The following NAALADL2 variants were observed in gnomAD, a reference collection of about 807,000 sequenced individuals.
NAALADL2 encodes N-acetylated alpha-linked acidic dipeptidase like 2, also known as inactive N-acetylated-alpha-linked acidic dipeptidase-like protein 2.
Under a neutral mutation model 87.2 loss-of-function variants are expected in NAALADL2, and 76 were observed. The ratio of observed to expected loss-of-function variants is 0.87; its 90% confidence interval spans 0.72 to 1.05. The LOEUF (loss-of-function observed/expected upper bound fraction) is 1.05. NAALADL2 is among the 50% of genes least tolerant of loss of function. The pLI is 0.00. For missense variants in NAALADL2, 1,089 were observed against 945.8 expected (o/e 1.15, Z -1.99); for synonymous variants, 354 against 331.0 (o/e 1.07, Z -0.75).
intron 2 of NAALADL2, among the ~76,000 whole-genome samples, chr3:174,638,024 C>T (rs1469032242): frequency 1.3e-5 from 2 of 151,964 alleles, no homozygotes; most frequent in African/African-American, 2.4e-5. Flanking sequence ...ATGAAATGCA[C>T]CAATAGTAGC....
At chr3:175,591,767 GGT>G (rs1277057893) in intron 10 of NAALADL2, among the ~76,000 whole-genome samples, 65 of 45,382 alleles carry the variant, frequency 1.4e-3, no homozygotes, top group East Asian at 6.3e-3. Flanking sequence ...ATGCGCATGT[GGT>G]GTGTGTGTGT....
In NAALADL2 at chr3:175,451,031, T is replaced by G. The variant is rs1372621704; in HGVS notation, c.1234+3659T>G. On this transcript the variant is annotated intron_variant, in intron 6 of 13. Transcript: ENST00000454872. ...GATAGAAATAGATATAGAGAGAAGGTGTGGGGAAAGACGGAGAAAGAGAGA... is the reference window on the plus strand; with the variant it reads ...GATAGAAATAGATATAGAGAGAAGGGGTGGGGAAAGACGGAGAAAGAGAGA... Among the ~76,000 whole-genome samples the G allele has an allele frequency of 2.0e-5, 3 of 151,796 alleles. No homozygotes were observed. The East Asian group carries it at 5.8e-4, about 29-fold the overall frequency.
Position 175,809,545 on chromosome 3 carries a change from G to C in NAALADL2, c.*6342G>C. ...AAAAAAAAAAAAAAAAAAAAGAAAA[G>C]AAAAAGTAGCTAGGCATGTTGGTGT... On this transcript the variant is annotated 3_prime_UTR_variant, in exon 14 of 14. Coordinates refer to ENST00000454872, the MANE Select transcript of NAALADL2 (RefSeq NM_207015.3). 1.1e-5 allele frequency: 1 copy of C among 92,044 alleles called. No individual in the cohort carries two copies. The highest frequency in any genetic ancestry group is 3.3e-4 in the East Asian group (1 of 3,018). 5.7% of individuals were successfully genotyped at this position (92,044 alleles called of 1,614,324 possible). A position where few individuals can be genotyped will look rare whatever the true frequency, so the allele number is the denominator to read the frequency against.
At chr3:174,860,329 A>G (rs1358943512) in intron 1 of NAALADL2, among the ~76,000 whole-genome samples, 1 of 151,926 alleles carries the variant, frequency 6.6e-6, no homozygotes, top group Non-Finnish European at 1.5e-5. Context: ...ATCTCTGTAT[A>G]TTTCCTAAAA....
At chr3:175,347,880 C>T (rs180716707) in intron 5 of NAALADL2, among the ~76,000 whole-genome samples, 3 of 152,232 alleles carry the variant, frequency 2.0e-5, no homozygotes, top group African/African-American at 7.2e-5. Context: ...TGCTATCCCT[C>T]CTCTAGCCGT....
At chr3:174,861,603 C>T (rs1214683967) in intron 1 of NAALADL2, among the ~76,000 whole-genome samples, 3 of 152,028 alleles carry the variant, frequency 2.0e-5, no homozygotes, top group African/African-American at 7.2e-5. Context: ...ATGTGGATGA[C>T]TTACGTGTTT....
intron 5 of NAALADL2, among the ~76,000 whole-genome samples, chr3:175,424,117 GAT>G (rs1259440087): frequency 6.6e-6 from 1 of 152,020 alleles, no homozygotes; most frequent in East Asian, 1.9e-4. Context: ...GGGGTTGTTT[GAT>G]TTTTTTCTTG....
intron 1 of NAALADL2, among the ~76,000 whole-genome samples, chr3:174,933,426 A>G (rs1737211769): frequency 6.6e-6 from 1 of 152,206 alleles, no homozygotes; most frequent in African/African-American, 2.4e-5. Flanking sequence ...GACCTTGAGA[A>G]CATTCAGTTA....
At chr3:174,700,264 C>G (rs1390352137) in intron 2 of NAALADL2, among the ~76,000 whole-genome samples, 17 of 145,396 alleles carry the variant, frequency 1.2e-4, no homozygotes, top group Non-Finnish European at 1.9e-4. Context: ...AACTGTAAGA[C>G]TATGGAAATA....
Position 175,802,825 on chromosome 3 carries a change from T to C in NAALADL2, c.2190-180T>C, listed in dbSNP as rs1379018591. 2.0e-5 allele frequency among the ~76,000 whole-genome samples: 3 copies of C among 152,030 alleles called. No individual in the cohort carries two copies. In the South Asian group the frequency reaches 6.2e-4, roughly 31 times the overall value. ...TCTCTTTCTCATCAATATGGGAAACTATTGGTGATCAATGTCTAAATTTGT... is the reference window on the plus strand; with the variant it reads ...TCTCTTTCTCATCAATATGGGAAACCATTGGTGATCAATGTCTAAATTTGT... On this transcript the variant is annotated intron_variant, in intron 13 of 13. Coordinates refer to ENST00000454872, the MANE Select transcript of NAALADL2 (RefSeq NM_207015.3).
intron 11 of NAALADL2, among the ~76,000 whole-genome samples, chr3:175,639,797 T>C (rs1165959014): frequency 6.6e-6 from 1 of 152,172 alleles, no homozygotes. Flanking sequence ...GTGGGTACTT[T>C]AACTTCCCCC....
chr3:175,695,903 A>G (rs1737737191), intron 11 of NAALADL2, among the ~76,000 whole-genome samples: 1 of 152,090 alleles, frequency 6.6e-6, no homozygotes, highest in African/African-American at 2.4e-5. Context: ...TGGCAATACA[A>G]TGTCTACTTA....
Position 175,158,366 on chromosome 3 carries a change from T to C in NAALADL2, c.545+61075T>C, listed in dbSNP as rs147404692. 2.0e-5 allele frequency among the ~76,000 whole-genome samples: 3 copies of C among 152,220 alleles called. No individual in the cohort carries two copies. The East Asian group carries it at 5.8e-4, about 29-fold the overall frequency. On this transcript the variant is annotated intron_variant, in intron 2 of 13. Transcript: ENST00000454872. ...TTTATAATATGCCATTTAGCACGAATGTTACACTATTTTGAATTGGTAGCT... is the reference window on the plus strand; with the variant it reads ...TTTATAATATGCCATTTAGCACGAACGTTACACTATTTTGAATTGGTAGCT...
intron 13 of NAALADL2, among the ~76,000 whole-genome samples, chr3:175,789,781 A>G (rs1752555332): frequency 6.6e-6 from 1 of 152,194 alleles, no homozygotes; most frequent in Non-Finnish European, 1.5e-5. Context: ...AACTGAGCCC[A>G]CTGAATAAAG....
At chr3:175,009,728 T>C (rs560591543) in intron 1 of NAALADL2, among the ~76,000 whole-genome samples, 3 of 152,156 alleles carry the variant, frequency 2.0e-5, no homozygotes, top group Non-Finnish European at 2.9e-5. Context: ...AGTCACAAAA[T>C]ACTTTCTTAG....
chr3:174,950,389 T>C (rs144418031), intron 1 of NAALADL2, among the ~76,000 whole-genome samples: 1 of 152,252 alleles, frequency 6.6e-6, no homozygotes, highest in Non-Finnish European at 1.5e-5. Flanking sequence ...GTTTGACTAA[T>C]TTGACCAATG....
At chr3:175,625,860 A>G in intron 10 of NAALADL2, among the ~76,000 whole-genome samples, 1 of 151,970 alleles carries the variant, frequency 6.6e-6, no homozygotes, top group Non-Finnish European at 1.5e-5. Context: ...TACTTATCCC[A>G]GTGCTGATAC....
At chr3:175,368,410 G>A (rs1048789304) in intron 5 of NAALADL2, among the ~76,000 whole-genome samples, 1 of 152,078 alleles carries the variant, frequency 6.6e-6, no homozygotes, top group Non-Finnish European at 1.5e-5. Flanking sequence ...TCTATTGATT[G>A]GAATAGTTTC....
intron 1 of NAALADL2, among the ~76,000 whole-genome samples, chr3:174,482,735 C>A (rs1365256462): frequency 2.0e-5 from 3 of 151,938 alleles, no homozygotes; most frequent in Non-Finnish European, 4.4e-5. Context: ...CTCCATCTGG[C>A]CCTGGATATA....
Sources: gnomAD v4.1 joint callset for allele counts (sites outside exome capture counted in the v4.1 genomes callset) on GRCh38, gnomAD v4.1.1 for gene constraint, MANE v1.5 for transcripts, NCBI Gene and HGNC (gene_info 2026-07-23, HGNC 2026-07-21) for gene names.